The following ECPAS variants were observed in gnomAD, a reference collection of about 807,000 sequenced individuals.
ECPAS encodes the protein proteasome adapter and scaffold protein ECM29.
In ECPAS, 70 loss-of-function variants were observed where a neutral mutation model predicts 255.1. The ratio of observed to expected loss-of-function variants is 0.27; its 90% CI spans 0.23 to 0.33. The LOEUF is 0.33. ECPAS is among the 10% of genes least tolerant of loss of function. The pLI is 1.00. For missense variants in ECPAS, 1,817 were observed against 2,206.4 expected, an observed-to-expected ratio of 0.82 and a Z score of 3.54; for synonymous variants, 784 against 775.0, an observed-to-expected ratio of 1.01 and a Z score of -0.19.
chr9:111,363,107 T>TGGGCC, intron 49 of ECPAS, among the ~76,000 whole-genome samples: 1 of 146,872 alleles, frequency 6.8e-6, no homozygotes, highest in Admixed American at 6.9e-5. Flanking sequence ...TGCTAACAGT[T>TGGGCC]CCCCCCCACC....
At chr9:111,408,421 T>A (rs2131705073) in intron 24 of ECPAS, 150 bp downstream of exon 24, 1 of 553,930 alleles carries the variant, frequency 1.8e-6, no homozygotes, top group Non-Finnish European at 3.2e-6. Flanking sequence ...AGCACAGTGA[T>A]GAGCACAAAA....
intron 46 of ECPAS, among the ~76,000 whole-genome samples, chr9:111,366,985 T>C (rs1288748556): frequency 6.6e-6 from 1 of 152,094 alleles, no homozygotes; most frequent in East Asian, 1.9e-4. Flanking sequence ...CACACTCCCT[T>C]TGCCCCTCAA....
In ECPAS at chr9:111,386,373, G is replaced by A; in HGVS notation, c.3527+4C>T. On this transcript the variant is annotated splice_donor_region_variant and intron_variant, in intron 32 of 49. Transcript: ENST00000684092. ...GACTAAACTTATATTCCTAAAAACG[G>A]TACCTGGATTCTCGAACTCGCCACA... 1 of 1,562,866 alleles carries A rather than the reference G, an allele frequency of 6.4e-7. No individual in the cohort carries two copies. Among genetic ancestry groups the A allele is most frequent in the Non-Finnish European group, 8.8e-7 (1 of 1,137,870 alleles).
rs981480753 is a variant in ECPAS, at chr9:111,440,552, C to T, written c.390-31G>A. 1.1e-5 allele frequency: 16 copies of T among 1,502,752 alleles called. No individual in the cohort carries two copies. In the African/African-American group the frequency reaches 2.2e-4, roughly 21 times the overall value. 93.1% of individuals were successfully genotyped at this position (1,502,752 alleles called of 1,614,324 possible). A position where few individuals can be genotyped will look rare whatever the true frequency, so the allele number is the denominator to read the frequency against. Reference sequence around the variant, plus strand: ...AAAACAATTACATTTATTGCAACTACTTAAAAAATGAGATTTTTATACATG... The same window carrying T: ...AAAACAATTACATTTATTGCAACTATTTAAAAAATGAGATTTTTATACATG... On this transcript the variant is annotated intron_variant, in intron 5 of 49. Transcript: ENST00000684092.
intron 8 of ECPAS, among the ~76,000 whole-genome samples, chr9:111,431,021 C>T (rs1159497959): frequency 6.6e-6 from 1 of 152,132 alleles, no homozygotes; most frequent in East Asian, 1.9e-4. Context: ...TCTGTTTAAC[C>T]ATTTGGCAGT....
chr9:111,408,648 G>A lies in ECPAS; in HGVS notation c.2575C>T (p.Leu859=). The A allele has an allele frequency of 6.3e-7, 1 of 1,585,420 alleles. No homozygotes were observed. Among genetic ancestry groups the A allele is most frequent in the Non-Finnish European group, 8.6e-7 (1 of 1,166,678 alleles). The part of the protein sequence containing the change: ...NKMKERAIQT[L]GYFPVGDGDF... ...CCATCCCCAACTGGAAAATATCCCA[G>A]TGTTTGGATTGCTCGTTCTTTCATC... Residue 859 remains leucine, a synonymous_variant, in exon 24 of 50, where the codon CTG becomes TTG. Coordinates refer to ENST00000684092, the MANE Select transcript of ECPAS (RefSeq NM_001364929.1).
rs1374282956 is a variant in ECPAS, at chr9:111,414,509, G to A, written c.1907C>T (p.Ser636Leu). 3 of 1,614,022 alleles carry A rather than the reference G, an allele frequency of 1.9e-6. No homozygotes were observed. The highest frequency in any genetic ancestry group is 1.7e-5 in the Admixed American group (1 of 60,022). The part of the protein sequence containing the change: ...TLMSSGQMAP[S>L]SSNKSGETNP... ...AGTCTCCCCACTCTTGTTAGATGATGAGGGTGCCATCTGCCCGCTTGACAT... is the reference window on the plus strand; with the variant it reads ...AGTCTCCCCACTCTTGTTAGATGATAAGGGTGCCATCTGCCCGCTTGACAT... The change falls in exon 19 of 50, where the codon TCA (serine) becomes TTA (leucine). Residue 636 changes from serine (S) to leucine (L), a missense_variant. Around this residue, in one of 4 missense-constraint regions of ECPAS, gnomAD observed 573 missense variants for 716.2 expected, o/e 0.80. Transcript: ENST00000684092.
chr9:111,444,617 G>A, intron 3 of ECPAS, 123 bp from the exon 4 acceptor site: 1 of 665,214 alleles, frequency 1.5e-6, no homozygotes, highest in East Asian at 2.7e-5. Flanking sequence ...CTTTTAAAGG[G>A]TATAAATTTT....
intron 18 of ECPAS, 39 bp from the exon 19 acceptor site, chr9:111,414,690 C>T (rs759529086): frequency 5.8e-6 from 9 of 1,554,864 alleles, no homozygotes; most frequent in Admixed American, 3.4e-5. Flanking sequence ...ATAAGCTTCT[C>T]GAAAAGTCAG....
rs577293232 is a variant in ECPAS, at chr9:111,373,911, A to C, written c.4177+61T>G. On this transcript the variant is annotated intron_variant, in intron 39 of 49. Transcript: ENST00000684092. ...ATGATAAGTATTTTTCCTTTTTAAAACTCTGTCACACAAGACAGGGCTGTG... is the reference window on the plus strand; with the variant it reads ...ATGATAAGTATTTTTCCTTTTTAAACCTCTGTCACACAAGACAGGGCTGTG... 6.2e-6 allele frequency: 8 copies of C among 1,300,198 alleles called. No homozygotes were observed. The African/African-American group carries it at 8.8e-5, about 14-fold the overall frequency. The allele number at this position is 1,300,198 out of a possible 1,614,324, so 80.5% of individuals were successfully genotyped here.
rs1406693561 is a variant in ECPAS, at chr9:111,385,456, T to C, written c.3528-14A>G. The stretch of plus-strand genomic sequence containing the variant: ...AAAGCTAAACAGCTGAAAATCAAAA[T>C]TTCATTTCAATATATGATGAAAAAG... On this transcript the variant is annotated splice_polypyrimidine_tract_variant and intron_variant, in intron 32 of 49. Transcript: ENST00000684092. 4 of 1,393,962 alleles carry C rather than the reference T, an allele frequency of 2.9e-6. No homozygotes were observed. Among genetic ancestry groups the C allele is most frequent in the Non-Finnish European group, 3.0e-6 (3 of 1,008,266 alleles). 86.3% of individuals were successfully genotyped at this position (1,393,962 alleles called of 1,614,324 possible).
intron 16 of ECPAS, 39 bp from the exon 17 acceptor site, chr9:111,418,045 C>T: frequency 6.5e-7 from 1 of 1,530,352 alleles, no homozygotes; most frequent in South Asian, 1.3e-5. Context: ...AAATAAATGT[C>T]ACCAATGGGA....
intron 22 of ECPAS, 78 bp downstream of exon 22, chr9:111,410,902 A>G: frequency 7.2e-7 from 1 of 1,388,846 alleles, no homozygotes; most frequent in East Asian, 2.3e-5. Flanking sequence ...TGCCATAAAA[A>G]GAAACTGAAA....
rs879767612 is a variant in ECPAS at position 111,454,709 on chromosome 9, CT to C, written c.23-3155del. ...ATATAACTGCTATATTTTTCTTTTCCTTTTTTTTTTTTTTTAAATAAGACAG... is the reference window on the plus strand; with the variant it reads ...ATATAACTGCTATATTTTTCTTTTCCTTTTTTTTTTTTTTAAATAAGACAG... On this transcript the variant is annotated intron_variant, in intron 2 of 49. Transcript: ENST00000684092. 5.0e-3 allele frequency among the ~76,000 whole-genome samples: 717 copies of C among 143,026 alleles called. 1 individual carries two copies. Among genetic ancestry groups the C allele is most frequent in the Middle Eastern group, 7.2e-3 (2 of 278 alleles). The allele number at this position is 143,026 out of a possible 152,430, so 93.8% of individuals were successfully genotyped here.
chr9:111,468,035 C>G (rs1183068548), intron 2 of ECPAS, among the ~76,000 whole-genome samples: 1 of 152,044 alleles, frequency 6.6e-6, no homozygotes, highest in Non-Finnish European at 1.5e-5. Context: ...TGACTGTAGT[C>G]CCAGCTACTA....
At chr9:111,380,338 T>C (rs1222062984) in intron 35 of ECPAS, among the ~76,000 whole-genome samples, 1 of 152,182 alleles carries the variant, frequency 6.6e-6, no homozygotes, top group African/African-American at 2.4e-5. Context: ...GTTTTGTTGT[T>C]ATTTTTTTGT....
At chr9:111,397,723 T>C (rs1019141490) in intron 24 of ECPAS, among the ~76,000 whole-genome samples, 9 of 152,198 alleles carry the variant, frequency 5.9e-5, no homozygotes, top group Admixed American at 5.2e-4. Context: ...ATTTAACTCT[T>C]TGCACTCTTA....
chr9:111,477,998 G>C (rs1390325034), intron 1 of ECPAS, among the ~76,000 whole-genome samples: 1 of 151,124 alleles, frequency 6.6e-6, no homozygotes, highest in Non-Finnish European at 1.5e-5. Flanking sequence ...CTTCCTGGGT[G>C]CAAGCCATCC....
chr9:111,371,002 C>T (rs1278570845), intron 43 of ECPAS, among the ~76,000 whole-genome samples: 3 of 152,162 alleles, frequency 2.0e-5, no homozygotes, highest in Non-Finnish European at 4.4e-5. Flanking sequence ...ACTGATTCGA[C>T]CCAGGTCTCA....
Sources: gnomAD v4.1 joint callset for allele counts (sites outside exome capture counted in the v4.1 genomes callset) on GRCh38, gnomAD v4.1.1 for gene constraint, gnomAD v4.1.1 regional missense constraint, MANE v1.5 for transcripts, NCBI Gene and HGNC (gene_info 2026-07-23, HGNC 2026-07-21) for gene names.